Variants in MEAK7 observed in about 807,000 individuals in gnomAD.
MEAK7 encodes MTOR associated protein MEAK7.
A neutral mutation model predicts 40.5 loss-of-function variants in MEAK7; 68 were observed. The ratio of observed to expected loss-of-function variants is 1.68; its 90% CI spans 1.38 to 2.06. The LOEUF (loss-of-function observed/expected upper bound fraction) is 2.06. MEAK7 is among the 30% of genes most tolerant of loss of function. The pLI is 0.00. For synonymous variants in MEAK7, 338 were observed against 231.9 expected (o/e 1.46, Z -4.16); for missense variants, 918 against 580.5 (o/e 1.58, Z -5.98).
At chr16:84,483,594 A>C (rs1372977429) in intron 5 of MEAK7, among the ~76,000 whole-genome samples, 1 of 152,238 alleles carries the variant, frequency 6.6e-6, no homozygotes, top group African/African-American at 2.4e-5. Flanking sequence ...AGAAGGGGGC[A>C]CCAAGACCAG....
chr16:84,499,143 G>C (rs940328956), intron 1 of MEAK7, among the ~76,000 whole-genome samples: 1 of 152,288 alleles, frequency 6.6e-6, no homozygotes, highest in Admixed American at 6.5e-5. Context: ...GGTGACCTGG[G>C]GCCTTGTTCA....
chr16:84,480,759 G>A, intron 6 of MEAK7, 51 bp from the exon 7 acceptor site: 1 of 1,539,308 alleles, frequency 6.5e-7, no homozygotes, highest in Non-Finnish European at 8.8e-7. Context: ...CTCAGGGTCT[G>A]TGGACATCAA....
intron 1 of MEAK7, among the ~76,000 whole-genome samples, chr16:84,500,267 A>G (rs1448734039): frequency 6.6e-6 from 1 of 152,200 alleles, no homozygotes; most frequent in Non-Finnish European, 1.5e-5. Flanking sequence ...ATAGTGCTGC[A>G]ATGAACATCT....
intron 2 of MEAK7, 24 bp from the exon 3 acceptor site, chr16:84,495,937 A>G (rs1914011315): frequency 1.2e-6 from 2 of 1,612,072 alleles, no homozygotes; most frequent in Non-Finnish European, 1.7e-6. Context: ...GCAGAAAAAT[A>G]TGGTTAGACA....
intron 3 of MEAK7, among the ~76,000 whole-genome samples, chr16:84,492,722 C>T (rs1238241250): frequency 2.6e-5 from 4 of 152,120 alleles, no homozygotes; most frequent in Admixed American, 1.3e-4. Flanking sequence ...GCTGGGACTA[C>T]AGGTGTGTGC....
chr16:84,490,736 T>C (rs1002942272), intron 3 of MEAK7, among the ~76,000 whole-genome samples: 1 of 150,620 alleles, frequency 6.6e-6, no homozygotes, highest in Non-Finnish European at 1.5e-5. Flanking sequence ...TCCTAGGGTC[T>C]TGTTTTTAGA....
chr16:84,489,962 T>C (rs1407172279), intron 3 of MEAK7, among the ~76,000 whole-genome samples: 4 of 152,178 alleles, frequency 2.6e-5, no homozygotes, highest in Non-Finnish European at 5.9e-5. Flanking sequence ...GTCTGCAGCC[T>C]GGGCCCCACT....
intron 1 of MEAK7, among the ~76,000 whole-genome samples, chr16:84,501,080 G>A (rs895705889): frequency 3.5e-5 from 4 of 114,058 alleles, no homozygotes; most frequent in African/African-American, 1.3e-4. Context: ...GGGCAACAGA[G>A]TTAGACTCGT....
At chr16:84,494,534 G>A (rs1228300446) in intron 3 of MEAK7, among the ~76,000 whole-genome samples, 2 of 152,142 alleles carry the variant, frequency 1.3e-5, no homozygotes, top group East Asian at 1.9e-4. Context: ...AAACTCTGGA[G>A]TAACAGCGAC....
chr16:84,503,643 G>A (rs566427091), intron 1 of MEAK7, among the ~76,000 whole-genome samples: 1 of 152,266 alleles, frequency 6.6e-6, no homozygotes, highest in East Asian at 1.9e-4. Flanking sequence ...CTTACTGGAG[G>A]TCAGAGACAG....
chr16:84,485,568 C>A (rs1567491103), intron 5 of MEAK7, among the ~76,000 whole-genome samples: 1 of 152,208 alleles, frequency 6.6e-6, no homozygotes. Flanking sequence ...GGGATGGTGG[C>A]CCACTCTCAA....
Position 84,478,585 on chromosome 16 carries a change from A to C in MEAK7, c.*1328T>G, listed in dbSNP as rs979417923. 2 of 152,244 alleles carry C rather than the reference A, an allele frequency of 1.3e-5. No individual in the cohort carries two copies. The highest frequency in any genetic ancestry group is 4.8e-5 in the African/African-American group (2 of 41,444). 9.4% of individuals were successfully genotyped at this position (152,244 alleles called of 1,614,324 possible). A position where few individuals can be genotyped will look rare whatever the true frequency, so the allele number is the denominator to read the frequency against. ...TTAGAGACAAGCTCACAGCACCTTT[A>C]AGTGGGGAGATCTCATGGCCAACCG... is the stretch of plus-strand genomic sequence containing the variant. On this transcript the variant is annotated 3_prime_UTR_variant, in exon 8 of 8. Transcript: ENST00000343629.
intron 3 of MEAK7, among the ~76,000 whole-genome samples, chr16:84,490,284 A>G (rs2150635167): frequency 6.6e-6 from 1 of 151,206 alleles, no homozygotes; most frequent in Admixed American, 6.6e-5. Flanking sequence ...CTGGGGGAAA[A>G]AAAAAAAAAA....
intron 4 of MEAK7, chr16:84,488,473 C>T (rs1913285669): frequency 6.6e-6 from 1 of 151,974 alleles, no homozygotes; most frequent in African/African-American, 2.4e-5. Context: ...GCTTCTCACC[C>T]AACAACAGAA....
At chr16:84,504,379 C>G (rs964585009) in intron 1 of MEAK7, among the ~76,000 whole-genome samples, 1 of 152,144 alleles carries the variant, frequency 6.6e-6, no homozygotes, top group Non-Finnish European at 1.5e-5. Context: ...GATTCTGATC[C>G]CCCCCAGGAG....
chr16:84,483,244 G>C (rs967711226), intron 5 of MEAK7, among the ~76,000 whole-genome samples: 3 of 152,224 alleles, frequency 2.0e-5, no homozygotes, highest in Non-Finnish European at 4.4e-5. Flanking sequence ...AAAGGCATGG[G>C]GTGGGCACAC....
Position 84,484,832 on chromosome 16 carries a change from G to A in MEAK7, c.958+1799C>T, listed in dbSNP as rs142636092. On this transcript the variant is annotated intron_variant, in intron 5 of 7. Coordinates refer to ENST00000343629, the MANE Select transcript of MEAK7 (RefSeq NM_020947.4). ...TGAGGCTGCCCTCTGCTGTTGTTTC[G>A]TGAGTATGGACACGTACTGCAACAG... Among the ~76,000 whole-genome samples, 364 of 152,270 alleles carry A rather than the reference G, an allele frequency of 2.4e-3. 3 individuals are homozygous for A. Among genetic ancestry groups the A allele is most frequent in the African/African-American group, 8.1e-3 (336 of 41,538 alleles).
chr16:84,478,720 G>C lies in MEAK7; in HGVS notation c.*1193C>G, dbSNP rs528535365. Reference sequence around the variant, plus strand: ...TCAGGATCACCGGAGCTTGTTTAAAGTCAGTCTACACTGCTGAATTTCCCA... The same window carrying C: ...TCAGGATCACCGGAGCTTGTTTAAACTCAGTCTACACTGCTGAATTTCCCA... On this transcript the variant is annotated 3_prime_UTR_variant, in exon 8 of 8. Coordinates refer to ENST00000343629, the MANE Select transcript of MEAK7 (RefSeq NM_020947.4). 6.6e-6 allele frequency: 1 copy of C among 152,294 alleles called. No individual in the cohort carries two copies. The highest frequency in any genetic ancestry group is 2.1e-4 in the South Asian group (1 of 4,826). The allele number at this position is 152,294 out of a possible 1,614,324, so 9.4% of individuals were successfully genotyped here.
At chr16:84,491,970 G>A (rs894767179) in intron 3 of MEAK7, among the ~76,000 whole-genome samples, 1 of 152,080 alleles carries the variant, frequency 6.6e-6, no homozygotes, top group African/African-American at 2.4e-5. Context: ...GATTCCTAGG[G>A]CTAAAAGAGA....
Sources: allele counts gnomAD v4.1 joint callset (sites outside exome capture counted in the v4.1 genomes callset), GRCh38; gene constraint gnomAD v4.1.1; transcripts MANE v1.5; gene names NCBI Gene and HGNC (gene_info 2026-07-23, HGNC 2026-07-21).